IPO9: variants seen among roughly 807,000 people sequenced by gnomAD.
IPO9 encodes importin 9, also known as importin-9.
Under a neutral mutation model 128.6 loss-of-function variants are expected in IPO9, and 28 were observed. The ratio of observed to expected loss-of-function variants is 0.22; its 90% confidence interval spans 0.16 to 0.30. The LOEUF (loss-of-function observed/expected upper bound fraction) is 0.30. IPO9 is among the 10% of genes least tolerant of loss of function. IPO9 has a pLI of 1.00. For synonymous variants in IPO9, 455 were observed against 475.8 expected, an observed-to-expected ratio of 0.96 and a Z score of 0.57; for missense variants, 935 against 1,293.9, an observed-to-expected ratio of 0.72 and a Z score of 4.26.
intron 1 of IPO9, among the ~76,000 whole-genome samples, chr1:201,835,315 C>T (rs1301300033): frequency 1.3e-5 from 2 of 152,196 alleles, no homozygotes; most frequent in Non-Finnish European, 2.9e-5. Flanking sequence ...TGGGTTTTCC[C>T]TTCTAAACCA....
At chr1:201,830,459 A>G (rs920858742) in intron 1 of IPO9, among the ~76,000 whole-genome samples, 1 of 152,232 alleles carries the variant, frequency 6.6e-6, no homozygotes, top group African/African-American at 2.4e-5. Context: ...GCTGTTGAAA[A>G]CAAATTTTCT....
chr1:201,852,890 G>A (rs1022136493), intron 5 of IPO9, 121 bp from the exon 6 acceptor site: 9 of 731,406 alleles, frequency 1.2e-5, no homozygotes, highest in African/African-American at 7.1e-5. Flanking sequence ...CCCATTTCTC[G>A]AGGGCATCCA....
chr1:201,836,206 A>G (rs2102868217), intron 1 of IPO9, among the ~76,000 whole-genome samples: 1 of 152,116 alleles, frequency 6.6e-6, no homozygotes, highest in South Asian at 2.1e-4. Context: ...TTTTTTAACA[A>G]ATATACTTAG....
intron 1 of IPO9, among the ~76,000 whole-genome samples, chr1:201,831,492 C>T (rs1238852400): frequency 1.3e-5 from 2 of 152,132 alleles, no homozygotes; most frequent in Non-Finnish European, 2.9e-5. Context: ...ATCAAAAAAA[C>T]TATAGAGATT....
In IPO9 at chr1:201,881,953, A is replaced by G. The variant is rs1680889556; in HGVS notation, c.*5899A>G. ...GATTTTCCAAAAGTGAGAGCTGTGG[A>G]ATGAATTGTCTTAAAATGTTGCAGT... On this transcript the variant is annotated 3_prime_UTR_variant, in exon 24 of 24. Coordinates refer to ENST00000361565, the MANE Select transcript of IPO9 (RefSeq NM_018085.5). 6.6e-6 allele frequency: 1 copy of G among 152,228 alleles called. No individual in the cohort carries two copies. 9.4% of individuals were successfully genotyped at this position (152,228 alleles called of 1,614,324 possible). A position where few individuals can be genotyped will look rare whatever the true frequency, so the allele number is the denominator to read the frequency against.
chr1:201,871,426 G>A lies in IPO9; in HGVS notation c.2576+99G>A, dbSNP rs952077364. The A allele has an allele frequency of 7.4e-5, 71 of 956,030 alleles. 2 individuals carry two copies. The South Asian group carries it at 1.1e-3, about 15-fold the overall frequency. The allele number at this position is 956,030 out of a possible 1,614,324, so 59.2% of individuals were successfully genotyped here. On this transcript the variant is annotated intron_variant, in intron 19 of 23. Transcript: ENST00000361565. ...TTTTTTGAGACAGTCTCGCTCTGTC[G>A]CCCAGGCTGGAGTGCAGTGGCACAA...
intron 4 of IPO9, among the ~76,000 whole-genome samples, chr1:201,851,849 C>T (rs919277897): frequency 2.6e-5 from 4 of 152,150 alleles, no homozygotes; most frequent in African/African-American, 9.7e-5. Flanking sequence ...GATTTTCTTT[C>T]AGTATTTATA....
intron 13 of IPO9, among the ~76,000 whole-genome samples, chr1:201,860,070 A>G (rs1252695621): frequency 6.6e-6 from 1 of 152,140 alleles, no homozygotes; most frequent in Non-Finnish European, 1.5e-5. Flanking sequence ...TGCTTCTGCC[A>G]TGCCATGCCT....
At chr1:201,837,941 A>T (rs571241740) in intron 1 of IPO9, among the ~76,000 whole-genome samples, 7 of 152,260 alleles carry the variant, frequency 4.6e-5, no homozygotes, top group Non-Finnish European at 1.0e-4. Context: ...GTGGTGGCAC[A>T]TGCCTGTAAT....
intron 15 of IPO9, among the ~76,000 whole-genome samples, chr1:201,867,609 TA>T (rs149702706): frequency 3.3e-5 from 5 of 151,248 alleles, no homozygotes; most frequent in South Asian, 2.1e-4. Flanking sequence ...AGGTATGTTT[TA>T]AAAAAAAATA....
chr1:201,847,529 T>A, intron 2 of IPO9, 23 bp from the exon 3 acceptor site: 2 of 1,597,754 alleles, frequency 1.3e-6, no homozygotes. Flanking sequence ...CTTGCTGTAC[T>A]ACTTGGCTTA....
chr1:201,835,154 C>A (rs913478214), intron 1 of IPO9: 2 of 152,212 alleles, frequency 1.3e-5, no homozygotes, highest in African/African-American at 4.8e-5. Flanking sequence ...TCCAGGGGGT[C>A]TACTCAAAAC....
Position 201,875,056 on chromosome 1 carries a change from G to A in IPO9, c.2939-96G>A. 1.5e-5 allele frequency: 21 copies of A among 1,376,110 alleles called. No individual in the cohort carries two copies. In the South Asian group the frequency reaches 2.2e-4, roughly 14 times the overall value. The allele number at this position is 1,376,110 out of a possible 1,614,324, so 85.2% of individuals were successfully genotyped here. A position where few individuals can be genotyped will look rare whatever the true frequency, so the allele number is the denominator to read the frequency against. On this transcript the variant is annotated intron_variant, in intron 22 of 23. Coordinates refer to ENST00000361565, the MANE Select transcript of IPO9 (RefSeq NM_018085.5). The stretch of plus-strand genomic sequence containing the variant: ...CCACAGGGACATTTCTTGGGCTTTT[G>A]CACCTTCCGCCTCAGTCATGTGGTA...
chr1:201,858,774 T>C, intron 12 of IPO9, 81 bp from the exon 13 acceptor site: 1 of 1,464,472 alleles, frequency 6.8e-7, no homozygotes, highest in Non-Finnish European at 9.3e-7. Context: ...TGGAGTGCCC[T>C]TTTCTGAATC....
In IPO9 at chr1:201,856,129, C is replaced by CTTTT. The variant is rs35980892; in HGVS notation, c.1122+211_1122+214dup. Among the ~76,000 whole-genome samples, 3 of 123,148 alleles carry CTTTT rather than the reference C, an allele frequency of 2.4e-5. 1 individual carries two copies. Among genetic ancestry groups the CTTTT allele is most frequent in the Non-Finnish European group, 1.7e-5 (1 of 58,986 alleles). The allele number at this position is 123,148 out of a possible 152,430, so 80.8% of individuals were successfully genotyped here. Reference sequence around the variant, plus strand: ...TTTTGGAGTTCACCACCATACCTGGCTTTTTTTTTTTTTTTTTTTCCCAGC... The same window carrying CTTTT: ...TTTTGGAGTTCACCACCATACCTGGCTTTTTTTTTTTTTTTTTTTTTTTCCCAGC... On this transcript the variant is annotated intron_variant, in intron 10 of 23. Coordinates refer to ENST00000361565, the MANE Select transcript of IPO9 (RefSeq NM_018085.5).
intron 1 of IPO9, among the ~76,000 whole-genome samples, chr1:201,843,703 C>A (rs918459686): frequency 4.6e-5 from 7 of 152,138 alleles, no homozygotes; most frequent in African/African-American, 1.4e-4. Context: ...TGGTACACTC[C>A]TGCAATTCCA....
chr1:201,839,799 T>C (rs989452120), intron 1 of IPO9, among the ~76,000 whole-genome samples: 3 of 152,084 alleles, frequency 2.0e-5, no homozygotes, highest in African/African-American at 7.2e-5. Flanking sequence ...GAAAATATTT[T>C]ATTGATAAAT....
At chr1:201,871,127 T>C (rs1680643138) in intron 18 of IPO9, 34 bp from the exon 19 acceptor site, 2 of 1,603,382 alleles carry the variant, frequency 1.2e-6, no homozygotes, top group African/African-American at 2.7e-5. Context: ...CTGAAATTGA[T>C]TTCCCTGAAG....
rs1399038970 is a variant in IPO9, at chr1:201,863,502, C to G, written c.1523C>G (p.Ala508Gly). The change falls in exon 14 of 24, where the codon GCT becomes GGT. Residue 508 changes from alanine to glycine, a missense_variant. Physicochemically the swap from Ala to Gly is moderately conservative, Grantham distance 60. Transcript: ENST00000361565. ...TGGGCTGCCAGTCGGTTCACTGTTG[C>G]TATGTCCCCTGAACTGATCCAGCAG... ...ALWAASRFTV[A>G]MSPELIQQFL... 6.2e-7 allele frequency: 1 copy of G among 1,600,536 alleles called. No homozygotes were observed.
Sources: allele counts gnomAD v4.1 joint callset (sites outside exome capture counted in the v4.1 genomes callset), GRCh38; gene constraint gnomAD v4.1.1; transcripts MANE v1.5; gene names NCBI Gene and HGNC (gene_info 2026-07-23, HGNC 2026-07-21).